FHIT: variants seen among roughly 807,000 people sequenced by gnomAD.
FHIT encodes fragile histidine triad diadenosine triphosphatase.
In FHIT, 19 loss-of-function variants were observed where a neutral mutation model predicts 17.9. The ratio of observed to expected loss-of-function variants is 1.06; its 90% CI spans 0.74 to 1.56. The LOEUF is 1.56. FHIT is among the 40% of genes most tolerant of loss of function. The pLI, the probability that FHIT is intolerant of heterozygous loss-of-function variation, is 0.00. For synonymous variants in FHIT, 81 were observed against 69.7 expected, an observed-to-expected ratio of 1.16 and a Z score of -0.81; for missense variants, 248 against 189.2, an observed-to-expected ratio of 1.31 and a Z score of -1.82.
intron 3 of FHIT, among the ~76,000 whole-genome samples, chr3:60,892,298 T>C (rs1705557105): frequency 6.6e-6 from 1 of 152,152 alleles, no homozygotes; most frequent in African/African-American, 2.4e-5. Context: ...TAGCCTCCCC[T>C]GGAAGGCACT....
chr3:60,080,917 A>C (rs1703253264), intron 5 of FHIT: 1 of 152,144 alleles, frequency 6.6e-6, no homozygotes, highest in Non-Finnish European at 1.5e-5. Flanking sequence ...AGTGAAAGAG[A>C]GGGCTAGAGT....
chr3:60,596,357 C>T (rs1238875990), intron 4 of FHIT, among the ~76,000 whole-genome samples: 9 of 152,118 alleles, frequency 5.9e-5, no homozygotes, highest in African/African-American at 2.2e-4. Flanking sequence ...GTTCTCCAAC[C>T]TTGGCCTTGC....
chr3:59,948,919 C>T (rs1706974849), intron 7 of FHIT, among the ~76,000 whole-genome samples: 2 of 151,748 alleles, frequency 1.3e-5, no homozygotes, highest in African/African-American at 4.8e-5. Flanking sequence ...GGAACATGTG[C>T]AGGTTTGTTA....
intron 4 of FHIT, among the ~76,000 whole-genome samples, chr3:60,741,405 C>T (rs1349517628): frequency 3.9e-5 from 6 of 152,200 alleles, no homozygotes; most frequent in Non-Finnish European, 8.8e-5. Flanking sequence ...TCATCTTCAG[C>T]AAGTGGTCTG....
chr3:60,135,565 G>T (rs927911636), intron 5 of FHIT, among the ~76,000 whole-genome samples: 2 of 152,050 alleles, frequency 1.3e-5, no homozygotes, highest in African/African-American at 4.8e-5. Flanking sequence ...TTCAACATTT[G>T]TTGAGAGGAG....
intron 5 of FHIT, among the ~76,000 whole-genome samples, chr3:60,238,290 A>T (rs114145946): frequency 0.015 from 2,338 of 152,168 alleles, 23 homozygotes; most frequent in Middle Eastern, 0.051. Context: ...TTAAGTATTA[A>T]TGTACAGTAT....
In FHIT at chr3:60,194,339, G is replaced by A. The variant is rs150429453; in HGVS notation, c.104-180187C>T. On this transcript the variant is annotated intron_variant, in intron 5 of 9. Coordinates refer to ENST00000492590, the MANE Select transcript of FHIT (RefSeq NM_002012.4). ...CATTAAAAAACATAAACTGGGGAAA[G>A]GACACTCTATTTAATAAATGGTACT... Among the ~76,000 whole-genome samples the A allele has an allele frequency of 6.2e-4, 94 of 152,170 alleles. 1 individual carries two copies. The East Asian group carries it at 0.015, about 24-fold the overall frequency.
intron 1 of FHIT, among the ~76,000 whole-genome samples, chr3:61,220,349 T>C (rs996970626): frequency 3.3e-5 from 5 of 152,198 alleles, no homozygotes; most frequent in Admixed American, 6.5e-5. Context: ...TTTAAACACA[T>C]GGAATTATTT....
intron 5 of FHIT, among the ~76,000 whole-genome samples, chr3:60,185,775 A>G (rs1046033388): frequency 3.9e-5 from 6 of 152,070 alleles, no homozygotes; most frequent in African/African-American, 1.4e-4. Context: ...CATCCTCCCT[A>G]TTAATGGTAT....
Position 61,040,474 on chromosome 3 carries a change from T to C in FHIT, c.-111+1573A>G, listed in dbSNP as rs1171973398. Among the ~76,000 whole-genome samples, 5 of 152,368 alleles carry C rather than the reference T, an allele frequency of 3.3e-5. No individual in the cohort carries two copies. The East Asian group carries it at 9.6e-4, about 29-fold the overall frequency. On this transcript the variant is annotated intron_variant, in intron 3 of 9. Coordinates refer to ENST00000492590, the MANE Select transcript of FHIT (RefSeq NM_002012.4). The stretch of plus-strand genomic sequence containing the variant: ...ATTAAATCCCTTAAAGAAAGATGAA[T>C]TTTTATAAGCTAGACTATCTAATTT...
chr3:59,765,244 C>T (rs1300319507), intron 8 of FHIT, among the ~76,000 whole-genome samples: 7 of 152,134 alleles, frequency 4.6e-5, no homozygotes, highest in South Asian at 2.1e-4. Context: ...TAAAGGACAA[C>T]GATAAAAATG....
Position 60,744,255 on chromosome 3 carries a change from AAAC to A in FHIT, c.-18+77661_-18+77663del, listed in dbSNP as rs1292830156. 7.9e-3 allele frequency among the ~76,000 whole-genome samples: 434 copies of A among 54,640 alleles called. 16 individuals carry two copies. Among genetic ancestry groups the A allele is most frequent in the African/African-American group, 0.034 (408 of 11,832 alleles). 35.8% of individuals were successfully genotyped at this position (54,640 alleles called of 152,430 possible). A position where few individuals can be genotyped will look rare whatever the true frequency, so the allele number is the denominator to read the frequency against. On this transcript the variant is annotated intron_variant, in intron 4 of 9. Coordinates refer to ENST00000492590, the MANE Select transcript of FHIT (RefSeq NM_002012.4). The stretch of plus-strand genomic sequence containing the variant: ...CAAATTGGAAGTAATGTAAAAAAAA[AAAC>A]AAAACAAAACAAAAAAAAAAAAAAA...
At chr3:60,387,905 A>G (rs1278297598) in intron 5 of FHIT, among the ~76,000 whole-genome samples, 1 of 152,022 alleles carries the variant, frequency 6.6e-6, no homozygotes, top group Non-Finnish European at 1.5e-5. Context: ...GTTTGGTGCT[A>G]TTCTCAAAGG....
At chr3:60,110,187 AG>A in intron 5 of FHIT, among the ~76,000 whole-genome samples, 1 of 152,298 alleles carries the variant, frequency 6.6e-6, no homozygotes, top group South Asian at 2.1e-4. Flanking sequence ...TGATAATAAA[AG>A]TTTGCCTCCA....
At chr3:60,314,599 A>G (rs546029563) in intron 5 of FHIT, among the ~76,000 whole-genome samples, 1 of 152,326 alleles carries the variant, frequency 6.6e-6, no homozygotes, top group South Asian at 2.1e-4. Flanking sequence ...CTCCCTACCC[A>G]TAAGGAAGAA....
chr3:60,646,520 T>G (rs1356670367), intron 4 of FHIT, among the ~76,000 whole-genome samples: 1 of 152,158 alleles, frequency 6.6e-6, no homozygotes, highest in Non-Finnish European at 1.5e-5. Flanking sequence ...TTCATACAAG[T>G]TTTTTATCCA....
intron 5 of FHIT, among the ~76,000 whole-genome samples, chr3:60,243,668 A>G (rs1446446346): frequency 6.6e-6 from 1 of 152,172 alleles, no homozygotes. Context: ...TGAACAGGGT[A>G]ACACCTACAA....
chr3:61,042,321 G>A (rs923017310), intron 2 of FHIT, among the ~76,000 whole-genome samples: 2 of 152,104 alleles, frequency 1.3e-5, no homozygotes, highest in African/African-American at 4.8e-5. Context: ...AACCTACCTG[G>A]GACATCTTGT....
intron 1 of FHIT, among the ~76,000 whole-genome samples, chr3:61,207,282 T>G (rs2039273996): frequency 6.6e-6 from 1 of 152,064 alleles, no homozygotes; most frequent in East Asian, 1.9e-4. Context: ...AAAATTCTCT[T>G]TTTTTGTTGT....
Sources: gnomAD v4.1 joint callset for allele counts (sites outside exome capture counted in the v4.1 genomes callset) on GRCh38, gnomAD v4.1.1 for gene constraint, MANE v1.5 for transcripts, NCBI Gene and HGNC (gene_info 2026-07-23, HGNC 2026-07-21) for gene names.